Variants in SAMD5 observed in about 807,000 individuals in gnomAD.
SAMD5 encodes sterile alpha motif domain containing 5.
A neutral mutation model predicts 11.3 loss-of-function variants in SAMD5; 13 were observed. The observed-to-expected ratio is 1.15, with a 90% confidence interval of 0.75 to 1.83. The LOEUF is 1.83. SAMD5 is among the 40% of genes most tolerant of loss of function. The pLI is 0.00. For missense variants in SAMD5, 255 were observed against 239.1 expected, an observed-to-expected ratio of 1.07 and a Z score of -0.44; for synonymous variants, 129 against 111.3, an observed-to-expected ratio of 1.16 and a Z score of -1.00.
the SAMD5 span, among the ~76,000 whole-genome samples, chr6:147,940,087 G>C: frequency 2.0e-5 from 3 of 152,188 alleles, no homozygotes; most frequent in Middle Eastern, 3.4e-3. Context: ...GACCCACTTT[G>C]GGAGCTACGA....
intron 1 of SAMD5, 68 bp downstream of exon 1, chr6:147,509,455 C>T: frequency 1.4e-6 from 2 of 1,385,718 alleles, no homozygotes; most frequent in Non-Finnish European, 1.9e-6. Flanking sequence ...CTGCCTGTGC[C>T]AAGGCTTTGC....
intron 1 of SAMD5, 113 bp from the exon 2 acceptor site, chr6:147,564,281 G>A (rs1789000000): frequency 3.0e-6 from 2 of 677,276 alleles, no homozygotes; most frequent in East Asian, 5.3e-5. Flanking sequence ...AGTCCATGTG[G>A]TAAGCAGAAA....
intron 1 of SAMD5, among the ~76,000 whole-genome samples, chr6:147,602,953 G>A (rs954154389): frequency 3.9e-5 from 6 of 152,144 alleles, no homozygotes; most frequent in Non-Finnish European, 8.8e-5. Context: ...ATGGAAAAGG[G>A]GCTACATTAT....
At chr6:147,598,455 CT>C (rs1239173200) in intron 1 of SAMD5, among the ~76,000 whole-genome samples, 3 of 152,170 alleles carry the variant, frequency 2.0e-5, no homozygotes, top group Non-Finnish European at 2.9e-5. Flanking sequence ...GCATGGTTCT[CT>C]TTCCCCTGCT....
the SAMD5 span, among the ~76,000 whole-genome samples, chr6:147,760,520 AT>A: frequency 6.6e-6 from 1 of 152,280 alleles, no homozygotes; most frequent in African/African-American, 2.4e-5. Context: ...ACTAGCTGCC[AT>A]TTTAAGCACT....
intron 1 of SAMD5, among the ~76,000 whole-genome samples, chr6:147,589,609 G>C (rs1423982494): frequency 6.6e-6 from 1 of 152,118 alleles, no homozygotes; most frequent in Non-Finnish European, 1.5e-5. Context: ...TCTTAGAAAG[G>C]CAGTAAAATA....
chr6:147,710,564 TGTG>T (rs1193607981), intron 1 of SAMD5, among the ~76,000 whole-genome samples: 1 of 152,128 alleles, frequency 6.6e-6, no homozygotes, highest in African/African-American at 2.4e-5. Context: ...TCAGATTGAC[TGTG>T]GCAGCATCAC....
intron 1 of SAMD5, among the ~76,000 whole-genome samples, chr6:147,559,702 A>G (rs1352322507): frequency 6.6e-6 from 1 of 152,228 alleles, no homozygotes; most frequent in Non-Finnish European, 1.5e-5. Flanking sequence ...AAAGTAAAAA[A>G]AAGAAAATAC....
intron 1 of SAMD5, among the ~76,000 whole-genome samples, chr6:147,727,600 G>A (rs758768002): frequency 4.0e-5 from 6 of 151,820 alleles, no homozygotes; most frequent in South Asian, 2.1e-4. Flanking sequence ...TAGAACCTCA[G>A]TAGAGAAAGT....
At chr6:147,767,144 C>T in the SAMD5 span, among the ~76,000 whole-genome samples, 1 of 152,168 alleles carries the variant, frequency 6.6e-6, no homozygotes. Flanking sequence ...TGCATGTATG[C>T]TAGATTCACT....
At chr6:147,540,000 A>C (rs1788574081) in intron 1 of SAMD5, among the ~76,000 whole-genome samples, 1 of 152,234 alleles carries the variant, frequency 6.6e-6, no homozygotes, top group South Asian at 2.1e-4. Context: ...TTGCATAATT[A>C]CTTTAATGAT....
At chr6:147,683,240 T>A (rs1035749252) in intron 1 of SAMD5, among the ~76,000 whole-genome samples, 1 of 152,196 alleles carries the variant, frequency 6.6e-6, no homozygotes, top group African/African-American at 2.4e-5. Flanking sequence ...TTCAGAAGTT[T>A]TTAAATACTT....
chr6:147,692,022 C>T (rs1033940663), intron 1 of SAMD5, among the ~76,000 whole-genome samples: 1 of 152,026 alleles, frequency 6.6e-6, no homozygotes, highest in Non-Finnish European at 1.5e-5. Context: ...AGGTACTAAA[C>T]ATGATTTGTC....
At position 147,518,358 on chromosome 6, in the gene SAMD5, T is replaced by C. The variant is rs1419971167; in HGVS notation, c.459+8971T>C. On this transcript the variant is annotated intron_variant, in intron 1 of 1. Transcript: ENST00000367474. ...GGTGCTAAAGGCAGGGGTAGCAATA[T>C]TAAAGCTGCCCTCATGAACTTTGTC... Among the ~76,000 whole-genome samples the C allele has an allele frequency of 2.0e-5, 3 of 152,176 alleles. No individual in the cohort carries two copies. In the East Asian group the frequency reaches 5.8e-4, roughly 29 times the overall value.
chr6:147,857,601 G>T, the SAMD5 span, among the ~76,000 whole-genome samples: 1 of 151,842 alleles, frequency 6.6e-6, no homozygotes, highest in East Asian at 1.9e-4. Context: ...TGCCAATATA[G>T]GTAGGTTTAC....
At chr6:147,770,475 T>C in the SAMD5 span, among the ~76,000 whole-genome samples, 116,707 of 152,084 alleles carry the variant, frequency 0.77, 45,372 homozygotes, top group African/African-American at 0.89. Context: ...ATTCATTGAC[T>C]GACTGAGTTA....
chr6:147,527,387 A>G (rs545464180), intron 1 of SAMD5, among the ~76,000 whole-genome samples: 1 of 152,142 alleles, frequency 6.6e-6, no homozygotes, highest in Non-Finnish European at 1.5e-5. Flanking sequence ...CGGAGGTGCC[A>G]CACACTTTTA....
chr6:147,583,467 A>T (rs562935302), intron 1 of SAMD5, among the ~76,000 whole-genome samples: 21 of 152,344 alleles, frequency 1.4e-4, no homozygotes, highest in African/African-American at 5.1e-4. Flanking sequence ...TTCTACAATC[A>T]GTTGTCATTG....
At chr6:147,596,982 TTTCTC>T in intron 1 of SAMD5, among the ~76,000 whole-genome samples, 1 of 152,150 alleles carries the variant, frequency 6.6e-6, no homozygotes, top group Non-Finnish European at 1.5e-5. Context: ...TTTGAGGACT[TTTCTC>T]TTGTGCCTTA....
Sources: allele counts gnomAD v4.1 joint callset (sites outside exome capture counted in the v4.1 genomes callset), GRCh38; gene constraint gnomAD v4.1.1; transcripts MANE v1.5; gene names NCBI Gene and HGNC (gene_info 2026-07-23, HGNC 2026-07-21).